Variants in TIPIN observed in about 807,000 individuals in gnomAD.
The protein encoded by TIPIN is TIMELESS interacting protein.
A neutral mutation model predicts 35.6 loss-of-function variants in TIPIN; 29 were observed. The observed-to-expected ratio is 0.82, with a 90% CI of 0.61 to 1.11. The LOEUF is 1.11. Ranked by LOEUF, TIPIN falls within the 50% of genes most tolerant of loss-of-function variation. The pLI is 0.00. For synonymous variants in TIPIN, 102 were observed against 121.5 expected (o/e 0.84, Z 1.06); for missense variants, 296 against 345.4 (o/e 0.86, Z 1.13).
intron 1 of TIPIN, among the ~76,000 whole-genome samples, chr15:66,374,224 C>T (rs2093287747): frequency 6.6e-6 from 1 of 151,828 alleles, no homozygotes; most frequent in Non-Finnish European, 1.5e-5. Context: ...AAGTATGATC[C>T]CCTCACACTG....
At position 66,351,529 on chromosome 15, in the gene TIPIN, T is replaced by G. The variant is rs2093167644; in HGVS notation, c.284A>C (p.His95Pro). The stretch of plus-strand genomic sequence containing the variant: ...AACATAAAAATCAGTTCTTACCTCA[T>G]GACCTTTACCTTTGAATTTTGCCTT... ...FDKAKFKGKG[H>P]EAEDLKMLIR... is the part of the protein sequence containing the mutation. The change falls in exon 4 of 8, where the codon CAT (histidine) becomes CCT (proline). Residue 95 changes from histidine to proline, a missense_variant. Physicochemically the swap from His to Pro is moderately conservative, Grantham distance 77. Coordinates refer to ENST00000261881, the MANE Select transcript of TIPIN (RefSeq NM_017858.3). The G allele has an allele frequency of 1.9e-6, 3 of 1,612,538 alleles. No homozygotes were observed. The highest frequency in any genetic ancestry group is 2.5e-6 in the Non-Finnish European group (3 of 1,178,980).
At chr15:66,377,367 C>CT (rs2093301107) in intron 1 of TIPIN, among the ~76,000 whole-genome samples, 2 of 151,830 alleles carry the variant, frequency 1.3e-5, no homozygotes, top group Non-Finnish European at 2.9e-5. Flanking sequence ...TGCTCTTTTT[C>CT]TTTTATTTTT....
intron 6 of TIPIN, among the ~76,000 whole-genome samples, chr15:66,344,273 T>G (rs1328129442): frequency 6.6e-6 from 1 of 152,012 alleles, no homozygotes; most frequent in African/African-American, 2.4e-5. Context: ...AACTCCTGGC[T>G]TCAAATGAAC....
chr15:66,374,883 A>AC (rs1334580031), intron 1 of TIPIN, among the ~76,000 whole-genome samples: 1 of 151,382 alleles, frequency 6.6e-6, no homozygotes, highest in East Asian at 1.9e-4. Flanking sequence ...CGCCTGGCCA[A>AC]CTTTTTTGTA....
intron 1 of TIPIN, among the ~76,000 whole-genome samples, chr15:66,353,484 C>A (rs189302925): frequency 1.4e-4 from 22 of 151,752 alleles, no homozygotes; most frequent in Admixed American, 7.2e-4. Context: ...GGCGTGGTGG[C>A]GGGCGCTTGT....
At chr15:66,367,524 A>G (rs2093261103) in intron 1 of TIPIN, among the ~76,000 whole-genome samples, 1 of 151,454 alleles carries the variant, frequency 6.6e-6, no homozygotes, top group African/African-American at 2.4e-5. Flanking sequence ...CCTCCGAAGT[A>G]GCTGGAACTA....
intron 3 of TIPIN, 147 bp downstream of exon 3, chr15:66,351,982 G>A: frequency 1.5e-6 from 1 of 655,034 alleles, no homozygotes; most frequent in Middle Eastern, 4.1e-4. Context: ...AAGACCATAA[G>A]AAAAAATATG....
chr15:66,354,127 T>C (rs1490685888), intron 1 of TIPIN, among the ~76,000 whole-genome samples: 2 of 152,136 alleles, frequency 1.3e-5, no homozygotes, highest in African/African-American at 4.8e-5. Flanking sequence ...GGCTTCTTCA[T>C]TCATTTATGC....
In TIPIN at chr15:66,336,698, G is replaced by A. The variant is rs1595778359; in HGVS notation, c.*260C>T. 2 of 410,060 alleles carry A rather than the reference G, an allele frequency of 4.9e-6. No individual in the cohort carries two copies. The highest frequency in any genetic ancestry group is 4.4e-5 in the East Asian group (1 of 22,552). The allele number at this position is 410,060 out of a possible 1,614,324, so 25.4% of individuals were successfully genotyped here. ...AGTGAAAACAAGGCATTCAATGACA[G>A]ACCAGCAGCAGAAACTGCTTATTAC... On this transcript the variant is annotated 3_prime_UTR_variant, in exon 8 of 8. Coordinates refer to ENST00000261881, the MANE Select transcript of TIPIN (RefSeq NM_017858.3).
At chr15:66,366,703 G>A (rs1238034299) in intron 1 of TIPIN, 1 of 501,634 alleles carries the variant, frequency 2.0e-6, no homozygotes, top group Non-Finnish European at 2.6e-6. Flanking sequence ...GGAGGCGGAG[G>A]TTGCAGTCAG....
chr15:66,358,533 C>A (rs968868046), upstream of TIPIN, among the ~76,000 whole-genome samples: 1 of 151,846 alleles, frequency 6.6e-6, no homozygotes, highest in Non-Finnish European at 1.5e-5. Flanking sequence ...CCCTCCCCAG[C>A]CTCCCAGGTA....
At chr15:66,361,091 C>T (rs1246442387), upstream of TIPIN, among the ~76,000 whole-genome samples, 1 of 150,990 alleles carries the variant, frequency 6.6e-6, no homozygotes, top group African/African-American at 2.4e-5. Flanking sequence ...AAAGATTGTG[C>T]CACTGCATTT....
At chr15:66,349,151 T>G in intron 5 of TIPIN, 28 bp from the exon 6 acceptor site, 2 of 1,605,062 alleles carry the variant, frequency 1.2e-6, no homozygotes, top group Non-Finnish European at 1.7e-6. Flanking sequence ...TTATTTATTT[T>G]TACCTCTTTA....
At chr15:66,357,569 G>C (rs1341073537), upstream of TIPIN, among the ~76,000 whole-genome samples, 7 of 120,826 alleles carry the variant, frequency 5.8e-5, no homozygotes, top group Non-Finnish European at 1.1e-4. Context: ...TGGAGATCCA[G>C]TCTGGGTGAC....
rs566993227 is a variant in TIPIN at position 66,362,662 on chromosome 15, A to C, written c.-8-9707T>G. Among the ~76,000 whole-genome samples, 214 of 152,336 alleles carry C rather than the reference A, an allele frequency of 1.4e-3. 1 individual carries two copies. The highest frequency in any genetic ancestry group is 6.4e-3 in the Admixed American group (98 of 15,284). ...CATTAACACGGGAGGCAGACGTTGC[A>C]GTGAACCAAGATCAGGTCACTGCAC... On this transcript the variant is annotated intron_variant, in intron 1 of 7. Transcript: ENST00000562124.
chr15:66,383,852 G>A (rs78878521), intron 1 of TIPIN, among the ~76,000 whole-genome samples: 8,483 of 151,960 alleles, frequency 0.056, 394 homozygotes, highest in African/African-American at 0.12. Context: ...TTAGCTGCTC[G>A]TCATACTTTA....
chr15:66,386,164 T>G (rs2093337364), intron 1 of TIPIN, among the ~76,000 whole-genome samples: 1 of 152,014 alleles, frequency 6.6e-6, no homozygotes, highest in Non-Finnish European at 1.5e-5. Context: ...TGACGGCGAG[T>G]GCCTGTAATC....
intron 1 of TIPIN, among the ~76,000 whole-genome samples, chr15:66,381,926 A>G (rs2093319975): frequency 6.6e-6 from 1 of 151,956 alleles, no homozygotes; most frequent in African/African-American, 2.4e-5. Flanking sequence ...TTAGCTGAGC[A>G]TGGTGGCGGG....
chr15:66,367,214 C>CTATATCTATATCTATATA (rs1200387832), intron 1 of TIPIN, among the ~76,000 whole-genome samples: 1 of 150,386 alleles, frequency 6.6e-6, no homozygotes, highest in Non-Finnish European at 1.5e-5. Context: ...ATATCTATAT[C>CTATATCTATATCTATATA]TATATCTATA....
Sources: allele counts gnomAD v4.1 joint callset (sites outside exome capture counted in the v4.1 genomes callset), GRCh38; gene constraint gnomAD v4.1.1; transcripts MANE v1.5; gene names NCBI Gene and HGNC (gene_info 2026-07-23, HGNC 2026-07-21).